Variants in GRIA1 observed in about 807,000 individuals in gnomAD.
The protein encoded by GRIA1 is glutamate receptor 1.
A neutral mutation model predicts 99.2 loss-of-function variants in GRIA1; 31 were observed. The ratio of observed to expected loss-of-function variants is 0.31; its 90% CI spans 0.23 to 0.42. GRIA1 has a LOEUF of 0.42. Among genes scored for constraint, GRIA1 ranks in the 10% least tolerant of loss-of-function variants. The pLI is 1.00. For missense variants in GRIA1, 782 were observed against 1,157.5 expected (o/e 0.68, Z 4.71); for synonymous variants, 438 against 432.4 (o/e 1.01, Z -0.16).
At chr5:153,703,559 A>G (rs1758680560) in intron 10 of GRIA1, among the ~76,000 whole-genome samples, 1 of 152,120 alleles carries the variant, frequency 6.6e-6, no homozygotes, top group Non-Finnish European at 1.5e-5. Flanking sequence ...AGCTTGGCCA[A>G]CATGGCGAAA....
chr5:153,545,298 G>C (rs1026807967), intron 2 of GRIA1, among the ~76,000 whole-genome samples: 5 of 152,146 alleles, frequency 3.3e-5, no homozygotes, highest in African/African-American at 1.2e-4. Flanking sequence ...TTTTGCCAGA[G>C]GTTGTAGAAA....
chr5:153,493,909 G>A lies in GRIA1; in HGVS notation c.83-19G>A, dbSNP rs376315435. The A allele has an allele frequency of 6.2e-7, 1 of 1,613,508 alleles. No individual in the cohort carries two copies. Among genetic ancestry groups the A allele is most frequent in the African/African-American group, 1.3e-5 (1 of 75,014 alleles). ...CTGTCTCTAGCCCATATACCATGTTGCATTTTCTTTTCTCATAGGGGGATT... is the reference window on the plus strand; with the variant it reads ...CTGTCTCTAGCCCATATACCATGTTACATTTTCTTTTCTCATAGGGGGATT... On this transcript the variant is annotated intron_variant, in intron 1 of 15. Transcript: ENST00000285900.
chr5:153,806,772 A>G lies in GRIA1; in HGVS notation c.2521-4253A>G, dbSNP rs569256289. ...TGATTTTTCAGTAACTTTTATGTTC[A>G]AAGTGATTTCTACACATTTTCATTA... On this transcript the variant is annotated intron_variant, in intron 15 of 15. Transcript: ENST00000285900. 5.9e-5 allele frequency among the ~76,000 whole-genome samples: 9 copies of G among 152,378 alleles called. No homozygotes were observed. In the South Asian group the frequency reaches 1.9e-3, roughly 32 times the overall value.
At chr5:153,788,857 TAAAATCATAACA>T (rs1161151573) in intron 13 of GRIA1, among the ~76,000 whole-genome samples, 1 of 152,236 alleles carries the variant, frequency 6.6e-6, no homozygotes, top group East Asian at 1.9e-4. Context: ...GTCCCTTCTA[TAAAATCATAACA>T]AATAACCATC....
intron 4 of GRIA1, among the ~76,000 whole-genome samples, chr5:153,654,190 C>T (rs1203455403): frequency 6.6e-6 from 1 of 152,030 alleles, no homozygotes. Flanking sequence ...GCTCTTAATA[C>T]ATATTTGTGA....
At chr5:153,596,299 A>G (rs1187114832) in intron 2 of GRIA1, among the ~76,000 whole-genome samples, 1 of 152,234 alleles carries the variant, frequency 6.6e-6, no homozygotes, top group Non-Finnish European at 1.5e-5. Context: ...TGAAAAATGT[A>G]TGCAAGATCC....
chr5:153,685,858 C>T (rs994594148), intron 7 of GRIA1, among the ~76,000 whole-genome samples: 44 of 152,162 alleles, frequency 2.9e-4, no homozygotes, highest in African/African-American at 1.1e-3. Flanking sequence ...TTGCAGGCCC[C>T]CCATACTTTC....
intron 2 of GRIA1, among the ~76,000 whole-genome samples, chr5:153,510,742 A>T (rs1377935975): frequency 6.6e-6 from 1 of 152,212 alleles, no homozygotes; most frequent in African/African-American, 2.4e-5. Flanking sequence ...GGATGATTTT[A>T]TTTAGCAAGT....
intron 11 of GRIA1, among the ~76,000 whole-genome samples, chr5:153,729,566 A>C (rs996993233): frequency 6.6e-6 from 1 of 152,012 alleles, no homozygotes; most frequent in African/African-American, 2.4e-5. Flanking sequence ...AAATTCACAG[A>C]AAGAGCAAAC....
chr5:153,769,846 A>G (rs576909616), intron 12 of GRIA1, among the ~76,000 whole-genome samples: 6 of 152,178 alleles, frequency 3.9e-5, no homozygotes, highest in African/African-American at 1.4e-4. Flanking sequence ...ATTGAACAAT[A>G]GATAGGTCCT....
chr5:153,582,297 T>C (rs922485684), intron 2 of GRIA1, among the ~76,000 whole-genome samples: 2 of 152,204 alleles, frequency 1.3e-5, no homozygotes, highest in Non-Finnish European at 1.5e-5. Flanking sequence ...TCAAGGGTTT[T>C]AGGGTAATGT....
In GRIA1 at chr5:153,811,720, T is replaced by C. The variant is rs1766830579; in HGVS notation, c.*495T>C. 1 of 154,578 alleles carries C rather than the reference T, an allele frequency of 6.5e-6. No homozygotes were observed. The highest frequency in any genetic ancestry group is 6.4e-5 in the Admixed American group (1 of 15,690). The allele number at this position is 154,578 out of a possible 1,614,324, so 9.6% of individuals were successfully genotyped here. The stretch of plus-strand genomic sequence containing the variant: ...TTCAGATTGGAGATTCAAGATTTGT[T>C]CCACTTTACAAGCAAGAGGAAAAAA... On this transcript the variant is annotated 3_prime_UTR_variant, in exon 16 of 16. Coordinates refer to ENST00000285900, the MANE Select transcript of GRIA1 (RefSeq NM_000827.4).
At chr5:153,626,047 ACT>A (rs1767572331) in intron 2 of GRIA1, among the ~76,000 whole-genome samples, 1 of 152,074 alleles carries the variant, frequency 6.6e-6, no homozygotes, top group Non-Finnish European at 1.5e-5. Context: ...GGGAGACCTG[ACT>A]CTGCAGATGA....
chr5:153,763,440 C>T (rs1462250660), intron 11 of GRIA1, among the ~76,000 whole-genome samples: 7 of 152,174 alleles, frequency 4.6e-5, no homozygotes, highest in Non-Finnish European at 1.0e-4. Flanking sequence ...TGTCAGAGCA[C>T]TTGTCAGAAC....
chr5:153,727,819 T>G (rs1318864489), intron 11 of GRIA1, among the ~76,000 whole-genome samples: 1 of 151,976 alleles, frequency 6.6e-6, no homozygotes, highest in African/African-American at 2.4e-5. Context: ...CAAGGTAATT[T>G]ATAGATTCAA....
At chr5:153,560,049 C>A (rs948387158) in intron 2 of GRIA1, among the ~76,000 whole-genome samples, 2 of 152,122 alleles carry the variant, frequency 1.3e-5, no homozygotes, top group East Asian at 3.9e-4. Flanking sequence ...CAGAGACTTA[C>A]ATGCCTTGCC....
intron 2 of GRIA1, among the ~76,000 whole-genome samples, chr5:153,611,988 C>G (rs1766030594): frequency 6.6e-6 from 1 of 152,162 alleles, no homozygotes; most frequent in Non-Finnish European, 1.5e-5. Flanking sequence ...TGACCTTGGT[C>G]AAGTCATTCT....
At chr5:153,797,425 A>T (rs552059503) in intron 14 of GRIA1, among the ~76,000 whole-genome samples, 53 of 152,284 alleles carry the variant, frequency 3.5e-4, no homozygotes, top group African/African-American at 1.2e-3. Flanking sequence ...ACAAAAACAA[A>T]AGTGTTTCTT....
chr5:153,498,582 A>G (rs1754663897), intron 2 of GRIA1, among the ~76,000 whole-genome samples: 3 of 152,312 alleles, frequency 2.0e-5, no homozygotes, highest in Admixed American at 2.0e-4. Flanking sequence ...GGGCTTCCTA[A>G]CAAGACATTA....
Sources: gnomAD v4.1 joint callset for allele counts (sites outside exome capture counted in the v4.1 genomes callset) on GRCh38, gnomAD v4.1.1 for gene constraint, MANE v1.5 for transcripts, NCBI Gene and HGNC (gene_info 2026-07-23, HGNC 2026-07-21) for gene names.